Variants in DAB2IP observed in about 807,000 individuals in gnomAD.
DAB2IP encodes the protein disabled homolog 2-interacting protein.
A neutral mutation model predicts 107.2 loss-of-function variants in DAB2IP; 28 were observed. The ratio of observed to expected loss-of-function variants is 0.26; its 90% CI spans 0.19 to 0.36. DAB2IP has a LOEUF of 0.36. Ranked by LOEUF, DAB2IP falls within the 10% of genes least tolerant of loss-of-function variation. The pLI, the probability that DAB2IP is intolerant of heterozygous loss-of-function variation, is 1.00. For synonymous variants in DAB2IP, 755 were observed against 706.4 expected, an observed-to-expected ratio of 1.07 and a Z score of -1.09; for missense variants, 1,400 against 1,644.7, an observed-to-expected ratio of 0.85 and a Z score of 2.57.
intron 1 of DAB2IP, among the ~76,000 whole-genome samples, chr9:121,643,594 G>T (rs1832435851): frequency 6.6e-6 from 1 of 151,974 alleles, no homozygotes; most frequent in Admixed American, 6.6e-5. Context: ...CTTTTCTCAT[G>T]CTGTCTCTCC....
At position 121,622,049 on chromosome 9, in the gene DAB2IP, C is replaced by T. The variant is rs548700404; in HGVS notation, c.40+54821C>T. ...TGTCGCCCAGGCTGGAGTGCAGTGGCGCGATCTCAGCTCACTGCAACCTCT... is the reference window on the plus strand; with the variant it reads ...TGTCGCCCAGGCTGGAGTGCAGTGGTGCGATCTCAGCTCACTGCAACCTCT... On this transcript the variant is annotated intron_variant, in intron 1 of 16. Coordinates refer to the DAB2IP transcript ENST00000259371. Among the ~76,000 whole-genome samples the T allele has an allele frequency of 2.3e-4, 32 of 136,948 alleles. 1 individual carries two copies. The highest frequency in any genetic ancestry group is 1.1e-3 in the South Asian group (5 of 4,430). The allele number at this position is 136,948 out of a possible 152,430, so 89.8% of individuals were successfully genotyped here. A position where few individuals can be genotyped will look rare whatever the true frequency, so the allele number is the denominator to read the frequency against.
chr9:121,771,719 T>C (rs968452029), intron 11 of DAB2IP, among the ~76,000 whole-genome samples: 1 of 152,014 alleles, frequency 6.6e-6, no homozygotes, highest in African/African-American at 2.4e-5. Flanking sequence ...TCTCCGTCTT[T>C]CCTGGCTCAT....
In DAB2IP at chr9:121,769,411, G is replaced by A. The variant is rs1042331338; in HGVS notation, c.1899+778G>A. On this transcript the variant is annotated intron_variant, in intron 10 of 15. Transcript: ENST00000408936. ...TAGAGCTCTTTTCCTTCTTCAGTTTGTTTTAAAGCAAGAACATACTGTGTA... is the reference window on the plus strand; with the variant it reads ...TAGAGCTCTTTTCCTTCTTCAGTTTATTTTAAAGCAAGAACATACTGTGTA... Among the ~76,000 whole-genome samples, 4 of 152,156 alleles carry A rather than the reference G, an allele frequency of 2.6e-5. No homozygotes were observed. The South Asian group carries it at 6.2e-4, about 24-fold the overall frequency.
Position 121,776,063 on chromosome 9 carries a change from A to G in DAB2IP, c.3121-135A>G. The G allele has an allele frequency of 9.9e-7, 1 of 1,010,898 alleles. No individual in the cohort carries two copies. The highest frequency in any genetic ancestry group is 1.6e-5 in the African/African-American group (1 of 60,964). 62.6% of individuals were successfully genotyped at this position (1,010,898 alleles called of 1,614,324 possible). A position where few individuals can be genotyped will look rare whatever the true frequency, so the allele number is the denominator to read the frequency against. On this transcript the variant is annotated intron_variant, in intron 13 of 15. Coordinates refer to ENST00000408936, the Ensembl canonical transcript of DAB2IP. This position sits in a 1 kb window ranked among gnomAD's most constrained non-coding sequence, Gnocchi z 5.4. ...TGGGCTCCTTGGGCATCTCCTTGCTATGTGAAGTGGGCGGGTCACAGCCAC... is the reference window on the plus strand; with the variant it reads ...TGGGCTCCTTGGGCATCTCCTTGCTGTGTGAAGTGGGCGGGTCACAGCCAC...
chr9:121,773,629 C>A, intron 12 of DAB2IP, 134 bp downstream of exon 12: 1 of 1,132,318 alleles, frequency 8.8e-7, no homozygotes, highest in Non-Finnish European at 1.1e-6. Context: ...CACCAGCCTG[C>A]CACATGCGCC....
intron 1 of DAB2IP, among the ~76,000 whole-genome samples, chr9:121,571,134 A>T (rs1297135583): frequency 1.3e-5 from 2 of 152,076 alleles, no homozygotes; most frequent in Admixed American, 1.3e-4. Flanking sequence ...GTATCAACTG[A>T]AAAGTCACCT....
intron 1 of DAB2IP, among the ~76,000 whole-genome samples, chr9:121,602,801 T>C (rs1830733473): frequency 1.3e-5 from 2 of 152,166 alleles, no homozygotes. Context: ...GGCCTTGATC[T>C]CCTGACCTCG....
At chr9:121,781,162 C>T (rs1249011212) in intron 14 of DAB2IP, among the ~76,000 whole-genome samples, 1 of 152,318 alleles carries the variant, frequency 6.6e-6, no homozygotes, top group Non-Finnish European at 1.5e-5. Flanking sequence ...GATCTAATGC[C>T]CATTTCCACC....
At chr9:121,722,698 A>C (rs2118824537) in intron 3 of DAB2IP, among the ~76,000 whole-genome samples, 2 of 152,218 alleles carry the variant, frequency 1.3e-5, no homozygotes, top group Middle Eastern at 6.8e-3. Context: ...AGGGGGAAGA[A>C]ACAGAAAAAG....
intron 5 of DAB2IP, 95 bp downstream of exon 5, chr9:121,759,091 A>C: frequency 7.6e-7 from 1 of 1,308,878 alleles, no homozygotes; most frequent in Non-Finnish European, 1.1e-6. Context: ...GTGGGCTGGG[A>C]TTGGGGGTGG....
chr9:121,742,827 G>C, intron 3 of DAB2IP: 1 of 985,426 alleles, frequency 1.0e-6, no homozygotes, highest in Non-Finnish European at 1.2e-6. Context: ...ATGATTTCCA[G>C]TCTTCTCATC....
intron 2 of DAB2IP, among the ~76,000 whole-genome samples, chr9:121,686,358 TC>T: frequency 6.6e-6 from 1 of 152,316 alleles, no homozygotes; most frequent in East Asian, 1.9e-4. Flanking sequence ...CCCCTCCTCT[TC>T]CTGCCCTGGG....
At chr9:121,679,089 A>G (rs1036746841) in intron 2 of DAB2IP, among the ~76,000 whole-genome samples, 1 of 152,172 alleles carries the variant, frequency 6.6e-6, no homozygotes, top group Admixed American at 6.5e-5. Flanking sequence ...GTTAGTTTAG[A>G]TAAATGTACC....
At chr9:121,773,636 C>A in intron 12 of DAB2IP, 141 bp downstream of exon 12, 1 of 1,092,478 alleles carries the variant, frequency 9.2e-7, no homozygotes, top group Non-Finnish European at 1.2e-6. Context: ...CTGCCACATG[C>A]GCCACCACCC....
At chr9:121,638,239 C>G (rs1832157126) in intron 1 of DAB2IP, among the ~76,000 whole-genome samples, 1 of 152,136 alleles carries the variant, frequency 6.6e-6, no homozygotes, top group African/African-American at 2.4e-5. Flanking sequence ...TCATCATTAC[C>G]TAAACAATAC....
intron 3 of DAB2IP, among the ~76,000 whole-genome samples, chr9:121,712,403 A>G (rs1375508277): frequency 6.6e-6 from 1 of 152,182 alleles, no homozygotes; most frequent in African/African-American, 2.4e-5. Flanking sequence ...CTTATGCAGC[A>G]GGTAAGAGCA....
At chr9:121,690,687 A>AG (rs1829119334) in intron 2 of DAB2IP, among the ~76,000 whole-genome samples, 1 of 152,100 alleles carries the variant, frequency 6.6e-6, no homozygotes, top group African/African-American at 2.4e-5. Context: ...TGACGTCCTC[A>AG]GCTCCCCTCC....
In DAB2IP at chr9:121,770,875, A is replaced by G. The variant is rs1834671183; in HGVS notation, c.2078+151A>G. On this transcript the variant is annotated intron_variant, in intron 11 of 15. Coordinates refer to ENST00000408936, the Ensembl canonical transcript of DAB2IP. ...GAGTTGTACAGGTCCTAAGTGGTGA[A>G]CCTCCATTTGGGAAAAATCAGGGAA... 9 of 1,109,832 alleles carry G rather than the reference A, an allele frequency of 8.1e-6. No homozygotes were observed. In the South Asian group the frequency reaches 1.2e-4, roughly 15 times the overall value. 68.7% of individuals were successfully genotyped at this position (1,109,832 alleles called of 1,614,324 possible).
At chr9:121,740,928 G>A (rs34480549) in intron 3 of DAB2IP, among the ~76,000 whole-genome samples, 5,667 of 152,248 alleles carry the variant, frequency 0.037, 141 homozygotes, top group Middle Eastern at 0.058. Flanking sequence ...TAAATGACAC[G>A]ACCAGAATTG....
Sources: allele counts gnomAD v4.1 joint callset (sites outside exome capture counted in the v4.1 genomes callset), GRCh38; gene constraint gnomAD v4.1.1; non-coding constraint Gnocchi (gnomAD v3.1); transcripts MANE v1.5; gene names NCBI Gene and HGNC (gene_info 2026-07-23, HGNC 2026-07-21).